MMS22L: variants seen among roughly 807,000 people sequenced by gnomAD.
The protein encoded by MMS22L is protein MMS22-like.
A neutral mutation model predicts 159.1 loss-of-function variants in MMS22L; 74 were observed. The ratio of observed to expected loss-of-function variants is 0.47; its 90% CI spans 0.39 to 0.56. MMS22L has a LOEUF of 0.56. Among genes scored for constraint, MMS22L ranks in the 20% least tolerant of loss-of-function variants. The pLI, the probability that MMS22L is intolerant of heterozygous loss-of-function variation, is 0.00. For synonymous variants in MMS22L, 517 were observed against 506.9 expected, an observed-to-expected ratio of 1.02 and a Z score of -0.27; for missense variants, 1,351 against 1,422.1, an observed-to-expected ratio of 0.95 and a Z score of 0.80.
intron 14 of MMS22L, among the ~76,000 whole-genome samples, chr6:97,217,244 ATTAT>A (rs754494462): frequency 1.8e-4 from 28 of 152,150 alleles, no homozygotes; most frequent in East Asian, 1.4e-3. Context: ...TTTTTAATTC[ATTAT>A]TTATTTATTT....
rs1804462864 is a variant in MMS22L at position 97,179,401 on chromosome 6, T to TGG, written c.2536+6_2536+7insCC. 6.2e-7 allele frequency: 1 copy of TGG among 1,611,210 alleles called. No homozygotes were observed. The highest frequency in any genetic ancestry group is 1.7e-5 in the Admixed American group (1 of 59,730). Reference sequence around the variant, plus strand: ...CCATCCTCCCCAAAAAACGTACACTTACTTACCAACTGCCTCTTCCAGATT... The same window carrying TGG: ...CCATCCTCCCCAAAAAACGTACACTTGGACTTACCAACTGCCTCTTCCAGATT... On this transcript the variant is annotated splice_region_variant and intron_variant, in intron 17 of 24. Transcript: ENST00000683635.
At chr6:97,219,464 T>C (rs548087001) in intron 14 of MMS22L, among the ~76,000 whole-genome samples, 2 of 152,206 alleles carry the variant, frequency 1.3e-5, no homozygotes, top group South Asian at 2.1e-4. Context: ...ACTTAATATA[T>C]AGCTGGTGTT....
Position 97,145,154 on chromosome 6 carries a change from A to C in MMS22L, c.*1652T>G, listed in dbSNP as rs2128228759. The C allele has an allele frequency of 6.6e-6, 1 of 152,116 alleles. No homozygotes were observed. The highest frequency in any genetic ancestry group is 1.5e-5 in the Non-Finnish European group (1 of 67,968). 9.4% of individuals were successfully genotyped at this position (152,116 alleles called of 1,614,324 possible). ...AGTGACTGCTGGAACTTTCCAAGCC[A>C]TACATTATTTGTTTAGTAAGTCACT... On this transcript the variant is annotated 3_prime_UTR_variant, in exon 25 of 25. Transcript: ENST00000683635.
intron 22 of MMS22L, among the ~76,000 whole-genome samples, chr6:97,154,420 T>C (rs771597245): frequency 6.6e-6 from 1 of 152,182 alleles, no homozygotes; most frequent in Non-Finnish European, 1.5e-5. Flanking sequence ...TTCACTTTCT[T>C]AACAGTGTCC....
intron 14 of MMS22L, among the ~76,000 whole-genome samples, chr6:97,218,868 C>T (rs760946050): frequency 1.3e-5 from 2 of 152,176 alleles, no homozygotes; most frequent in Admixed American, 6.5e-5. Context: ...GCAAGGACCC[C>T]TGAATTGAAT....
intron 11 of MMS22L, among the ~76,000 whole-genome samples, chr6:97,240,472 T>C (rs766616909): frequency 2.0e-5 from 3 of 152,204 alleles, no homozygotes; most frequent in Admixed American, 6.5e-5. Flanking sequence ...CAAACCAGGA[T>C]AGGATGGCTG....
intron 3 of MMS22L, 46 bp from the exon 4 acceptor site, chr6:97,278,944 A>C (rs1816495535): frequency 6.5e-7 from 1 of 1,527,388 alleles, no homozygotes; most frequent in Admixed American, 1.7e-5. Flanking sequence ...GAACACTTTA[A>C]AGCATGTAAC....
intron 21 of MMS22L, 73 bp from the exon 22 acceptor site, chr6:97,162,238 A>T: frequency 7.2e-7 from 1 of 1,387,996 alleles, no homozygotes; most frequent in East Asian, 2.4e-5. Context: ...CATATAATTT[A>T]AAGATATTGG....
chr6:97,271,999 C>T (rs1408790207), intron 6 of MMS22L: 2 of 152,090 alleles, frequency 1.3e-5, no homozygotes, highest in East Asian at 3.8e-4. Flanking sequence ...AAGATATATT[C>T]ATAAAGAGTA....
chr6:97,189,316 T>C (rs904005762), intron 14 of MMS22L, among the ~76,000 whole-genome samples: 1 of 150,402 alleles, frequency 6.6e-6, no homozygotes, highest in African/African-American at 2.4e-5. Flanking sequence ...TCCCAGCATT[T>C]TGGGAGGCTG....
intron 14 of MMS22L, among the ~76,000 whole-genome samples, chr6:97,193,182 T>C (rs1304668156): frequency 2.0e-5 from 3 of 152,332 alleles, no homozygotes; most frequent in East Asian, 3.9e-4. Context: ...CCAGGCTCTA[T>C]AGGGATTCCA....
At position 97,145,235 on chromosome 6, in the gene MMS22L, C is replaced by G. The variant is rs1337413934; in HGVS notation, c.*1571G>C. ...AGTCTATTAAACAGCCTTAAGCTTT[C>G]ATTTATTCCCTTTGATGAAGCTGAT... On this transcript the variant is annotated 3_prime_UTR_variant, in exon 25 of 25. Transcript: ENST00000683635. 1 of 152,080 alleles carries G rather than the reference C, an allele frequency of 6.6e-6. No individual in the cohort carries two copies. Among genetic ancestry groups the G allele is most frequent in the Non-Finnish European group, 1.5e-5 (1 of 68,000 alleles). The allele number at this position is 152,080 out of a possible 1,614,324, so 9.4% of individuals were successfully genotyped here.
intron 14 of MMS22L, among the ~76,000 whole-genome samples, chr6:97,205,799 T>C (rs977345107): frequency 1.3e-5 from 2 of 152,172 alleles, no homozygotes; most frequent in African/African-American, 4.8e-5. Context: ...TTAATAATGA[T>C]TCACCTTCCC....
intron 10 of MMS22L, chr6:97,254,304 G>A (rs1040303075): frequency 2.9e-5 from 10 of 343,788 alleles, no homozygotes; most frequent in African/African-American, 2.1e-4. Flanking sequence ...AATTTGCTCA[G>A]GGTCACACAA....
chr6:97,205,223 A>G (rs1807649373), intron 14 of MMS22L, among the ~76,000 whole-genome samples: 1 of 151,634 alleles, frequency 6.6e-6, no homozygotes, highest in Non-Finnish European at 1.5e-5. Flanking sequence ...GATTACAGGC[A>G]TGAGCCACCA....
rs752634716 is a variant in MMS22L, at chr6:97,254,666, G to A, written c.1010C>T (p.Ser337Phe). 6.2e-7 allele frequency: 1 copy of A among 1,612,176 alleles called. No homozygotes were observed. The highest frequency in any genetic ancestry group is 8.5e-7 in the Non-Finnish European group (1 of 1,179,390). The change falls in exon 10 of 25, where the codon TCC (serine) becomes TTC (phenylalanine). Residue 337 changes from serine (S) to phenylalanine (F), a missense_variant. Transcript: ENST00000683635. ...CCTGGACTGGATTACAGGCATAGAG[G>A]ATCTTCTTCGGTCACTTGATTTTTC... is the stretch of plus-strand genomic sequence containing the variant. ...LLEKSSDRRR[S>F]SMPVIQSRDP...
At chr6:97,191,897 T>C (rs376755120) in intron 14 of MMS22L, among the ~76,000 whole-genome samples, 16 of 152,300 alleles carry the variant, frequency 1.1e-4, no homozygotes, top group East Asian at 9.7e-4. Flanking sequence ...GTGGAAGTTA[T>C]CCAAAAAATC....
chr6:97,281,506 A>C (rs1209416968), intron 2 of MMS22L, 144 bp from the exon 3 acceptor site: 42 of 609,202 alleles, frequency 6.9e-5, no homozygotes, highest in Non-Finnish European at 4.5e-5. Flanking sequence ...CACATTCAAG[A>C]TTACAATAGC....
chr6:97,263,689 C>T (rs904332695), intron 8 of MMS22L: 14 of 292,146 alleles, frequency 4.8e-5, no homozygotes, highest in African/African-American at 2.9e-4. Flanking sequence ...CATCTAGTGC[C>T]GTGGTCAGCA....
Sources: allele counts gnomAD v4.1 joint callset (sites outside exome capture counted in the v4.1 genomes callset), GRCh38; gene constraint gnomAD v4.1.1; transcripts MANE v1.5; gene names NCBI Gene and HGNC (gene_info 2026-07-23, HGNC 2026-07-21).